IL13RA1: variants seen among roughly 807,000 people sequenced by gnomAD.
IL13RA1 encodes the protein interleukin-13 receptor subunit alpha-1.
In IL13RA1, 14 loss-of-function variants were observed where a neutral mutation model predicts 33.8. The ratio of observed to expected loss-of-function variants is 0.41; its 90% CI spans 0.27 to 0.65. The LOEUF (loss-of-function observed/expected upper bound fraction) is 0.65, where lower values mean the gene tolerates loss of function less well. Ranked by LOEUF, IL13RA1 falls within the 30% of genes least tolerant of loss-of-function variation. The probability of loss-of-function intolerance (pLI) is 0.28; values close to 1 mark genes in which losing one functional copy is unlikely to be tolerated. For missense variants in IL13RA1, 313 were observed against 327.0 expected (o/e 0.96, Z 0.33); for synonymous variants, 116 against 115.7 (o/e 1.00, Z -0.02).
intron 4 of IL13RA1, among the ~76,000 whole-genome samples, chrX:118,754,965 T>C (rs2017512762): frequency 9.7e-6 from 1 of 102,838 alleles, no homozygotes; most frequent in South Asian, 4.6e-4. Context: ...TTTTTTTTTT[T>C]TGGAGACAGA....
intron 1 of IL13RA1, among the ~76,000 whole-genome samples, chrX:118,736,051 C>A (rs1227358151): frequency 9.0e-6 from 1 of 111,366 alleles, no homozygotes; most frequent in Non-Finnish European, 1.9e-5. Flanking sequence ...CTCAAATCTA[C>A]CTTTGATTCT....
At chrX:118,802,881 A>G in the IL13RA1 span, among the ~76,000 whole-genome samples, 6 of 111,844 alleles carry the variant, frequency 5.4e-5, no homozygotes, top group Non-Finnish European at 1.1e-4. Context: ...AGCCTTGAAC[A>G]TTCAAGCTCC....
chrX:118,740,994 T>C, intron 1 of IL13RA1, 23 bp from the exon 2 acceptor site: 1 of 1,053,096 alleles, frequency 9.5e-7, no homozygotes, highest in African/African-American at 1.8e-5. Flanking sequence ...AAATTCATTT[T>C]TTTTTGTCCT....
intron 1 of IL13RA1, among the ~76,000 whole-genome samples, chrX:118,728,106 G>T (rs375110554): frequency 1.8e-4 from 20 of 112,860 alleles, no homozygotes; most frequent in Admixed American, 6.4e-4. Context: ...TCAGCGCCCG[G>T]AATGTCGCCT....
At chrX:118,782,969 T>C (rs2017862557) in intron 10 of IL13RA1, among the ~76,000 whole-genome samples, 2 of 110,859 alleles carry the variant, frequency 1.8e-5, no homozygotes, top group African/African-American at 3.3e-5. Flanking sequence ...TTTGTATAAC[T>C]TTCTGTTTTG....
intron 5 of IL13RA1, among the ~76,000 whole-genome samples, chrX:118,760,484 A>C (rs1490636790): frequency 8.9e-6 from 1 of 111,777 alleles, no homozygotes; most frequent in Non-Finnish European, 1.9e-5. Context: ...ATCTGGATCC[A>C]AGCCTTTCTT....
At chrX:118,751,530 G>A (rs770631484) in intron 4 of IL13RA1, among the ~76,000 whole-genome samples, 7 of 111,114 alleles carry the variant, frequency 6.3e-5, no homozygotes, top group Non-Finnish European at 1.3e-4. Context: ...GAGGGGAGGT[G>A]GATGGGTGGA....
chrX:118,798,907 G>C (rs895813870), downstream of IL13RA1, among the ~76,000 whole-genome samples: 6 of 112,359 alleles, frequency 5.3e-5, no homozygotes, highest in Admixed American at 3.7e-4. Flanking sequence ...CCCTTTCTGG[G>C]CTGGCCAAGG....
chrX:118,747,053 C>G lies in IL13RA1; in HGVS notation c.328C>G (p.Pro110Ala), dbSNP rs773073305. Residue 110 changes from proline (P) to alanine (A), a missense_variant, in exon 3 of 11, where the codon CCT becomes GCT. Pro to Ala is a conservative substitution (Grantham distance 27). Coordinates refer to ENST00000371666, the MANE Select transcript of IL13RA1 (RefSeq NM_001560.3). ...SQCSTNESEK[P>A]SILVEKCISP... Reference sequence around the variant, plus strand: ...GTGTAGCACCAATGAGAGTGAGAAGCCTAGCATTTTGGTTGAAAAATGCAT... The same window carrying G: ...GTGTAGCACCAATGAGAGTGAGAAGGCTAGCATTTTGGTTGAAAAATGCAT... 1.7e-6 allele frequency: 2 copies of G among 1,169,106 alleles called. No individual in the cohort carries two copies. The highest frequency in any genetic ancestry group is 4.4e-5 in the Admixed American group (2 of 45,428).
intron 8 of IL13RA1, among the ~76,000 whole-genome samples, chrX:118,772,244 T>C (rs1306583033): frequency 8.9e-6 from 1 of 112,824 alleles, no homozygotes; most frequent in East Asian, 2.8e-4. Context: ...CAGTCTTCTT[T>C]GTCATTTAAT....
chrX:118,766,875 T>C lies in IL13RA1; in HGVS notation c.908T>C (p.Leu303Pro). 9.3e-7 allele frequency: 1 copy of C among 1,074,221 alleles called. No homozygotes were observed. The highest frequency in any genetic ancestry group is 1.3e-6 in the Non-Finnish European group (1 of 776,424). 88.5% of individuals were successfully genotyped at this position (1,074,221 alleles called of 1,213,427 possible). Reference protein sequence around the residue: ...NTSCFMVPGVLPDTLNTVRIR... With the variant: ...NTSCFMVPGVPPDTLNTVRIR... The stretch of plus-strand genomic sequence containing the variant: ...TCTTGTTTCATGGTCCCTGGTGTTC[T>C]TCCTGATACTTTGAACACAGTCAGA... Residue 303 changes from leucine to proline, a missense_variant, in exon 8 of 11, where the codon CTT becomes CCT. By Grantham distance (98) the Leu-to-Pro change is moderately conservative (BLOSUM62 -3). Coordinates refer to ENST00000371666, the MANE Select transcript of IL13RA1 (RefSeq NM_001560.3).
intron 2 of IL13RA1, among the ~76,000 whole-genome samples, chrX:118,742,175 T>C (rs1364210346): frequency 8.9e-6 from 1 of 112,259 alleles, no homozygotes; most frequent in Admixed American, 9.5e-5. Context: ...TCTGCCTTCC[T>C]CTCCCTTGTC....
chrX:118,797,823 A>G (rs755959044), downstream of IL13RA1, among the ~76,000 whole-genome samples: 48 of 111,565 alleles, frequency 4.3e-4, no homozygotes, highest in African/African-American at 1.6e-3. Flanking sequence ...AAGTGTGAGA[A>G]GGAACTGGAT....
intron 10 of IL13RA1, among the ~76,000 whole-genome samples, chrX:118,784,103 ATATATACG>A (rs1299592616): frequency 1.5e-4 from 9 of 58,086 alleles, no homozygotes; most frequent in Non-Finnish European, 2.7e-4. Context: ...ATATATATAT[ATATATACG>A]TATATATGTA....
At chrX:118,776,275 C>T (rs2017779800) in intron 9 of IL13RA1, 152 bp from the exon 10 acceptor site, 2 of 368,215 alleles carry the variant, frequency 5.4e-6, no homozygotes, top group East Asian at 8.4e-5. Context: ...TTTGTGTACC[C>T]TATTTTAGAA....
intron 10 of IL13RA1, among the ~76,000 whole-genome samples, chrX:118,787,120 G>T (rs1377486760): frequency 9.0e-6 from 1 of 111,508 alleles, no homozygotes; most frequent in East Asian, 2.8e-4. Flanking sequence ...GGTAGATTTT[G>T]GATTTACTTT....
chrX:118,781,171 CTCCTCT>C (rs2017838721), intron 10 of IL13RA1, among the ~76,000 whole-genome samples: 1 of 103,089 alleles, frequency 9.7e-6, no homozygotes, highest in South Asian at 4.6e-4. Context: ...GGAATTGCTT[CTCCTCT>C]CTATCTGCAT....
intron 10 of IL13RA1, among the ~76,000 whole-genome samples, chrX:118,784,118 T>TACAC (rs1491369585): frequency 4.7e-5 from 1 of 21,460 alleles, no homozygotes; most frequent in African/African-American, 1.7e-4. Context: ...TACGTATATA[T>TACAC]GTATATATAT....
chrX:118,777,685 A>G (rs1160180117), intron 10 of IL13RA1, among the ~76,000 whole-genome samples: 3 of 111,893 alleles, frequency 2.7e-5, no homozygotes, highest in East Asian at 2.8e-4. Context: ...CCCTACCCCA[A>G]CTGTTATAGT....
Sources: gnomAD v4.1 joint callset for allele counts (sites outside exome capture counted in the v4.1 genomes callset) on GRCh38, gnomAD v4.1.1 for gene constraint, MANE v1.5 for transcripts, NCBI Gene and HGNC (gene_info 2026-07-23, HGNC 2026-07-21) for gene names.